Variants in ATRNL1 observed in about 807,000 individuals in gnomAD.
The protein encoded by ATRNL1 is attractin-like protein 1.
In ATRNL1, 95 loss-of-function variants were observed where a neutral mutation model predicts 182.7. That is an observed-to-expected ratio of 0.52 (90% CI 0.44 to 0.62). The LOEUF (loss-of-function observed/expected upper bound fraction) is 0.62. Among genes scored for constraint, ATRNL1 ranks in the 20% least tolerant of loss-of-function variants. The pLI is 0.00. For missense variants in ATRNL1, 1,471 were observed against 1,679.5 expected (o/e 0.88, Z 2.17); for synonymous variants, 576 against 568.3 (o/e 1.01, Z -0.19).
At chr10:115,914,421 A>G (rs1952781766) in intron 28 of ATRNL1, among the ~76,000 whole-genome samples, 1 of 152,172 alleles carries the variant, frequency 6.6e-6, no homozygotes, top group South Asian at 2.1e-4. Flanking sequence ...TTGACCAAAG[A>G]GCAGGGATTT....
intron 24 of ATRNL1, among the ~76,000 whole-genome samples, chr10:115,503,561 C>T (rs1849953813): frequency 6.9e-6 from 1 of 144,560 alleles, no homozygotes; most frequent in African/African-American, 2.9e-5. Context: ...TAAATCAATC[C>T]CTTAAGAAAA....
chr10:115,745,214 C>A (rs1363424806), intron 27 of ATRNL1, among the ~76,000 whole-genome samples: 2 of 151,982 alleles, frequency 1.3e-5, no homozygotes, highest in Admixed American at 6.6e-5. Context: ...ACCTCCGCCT[C>A]CCGGGGAACC....
intron 26 of ATRNL1, among the ~76,000 whole-genome samples, chr10:115,663,312 C>A (rs1398363218): frequency 6.6e-6 from 1 of 151,970 alleles, no homozygotes; most frequent in Non-Finnish European, 1.5e-5. Context: ...ATACACTAGA[C>A]CCTTACTATG....
intron 27 of ATRNL1, among the ~76,000 whole-genome samples, chr10:115,840,376 G>A (rs1262969398): frequency 1.3e-5 from 2 of 152,018 alleles, no homozygotes; most frequent in African/African-American, 2.4e-5. Flanking sequence ...TTCTTCATAC[G>A]GAACAAAGAG....
chr10:115,222,254 C>T (rs181392314), intron 9 of ATRNL1, among the ~76,000 whole-genome samples: 1 of 152,016 alleles, frequency 6.6e-6, no homozygotes, highest in East Asian at 1.9e-4. Context: ...CAGAAGGAAA[C>T]ATCCAGAAGG....
At chr10:115,782,024 A>T (rs183246853) in intron 27 of ATRNL1, among the ~76,000 whole-genome samples, 1 of 152,330 alleles carries the variant, frequency 6.6e-6, no homozygotes, top group East Asian at 1.9e-4. Flanking sequence ...GTTCCAAATG[A>T]TGATTCATGA....
At chr10:115,486,869 A>C (rs1554975253) in intron 24 of ATRNL1, among the ~76,000 whole-genome samples, 1 of 152,068 alleles carries the variant, frequency 6.6e-6, no homozygotes, top group African/African-American at 2.4e-5. Flanking sequence ...TTATGGTTTT[A>C]GGTCTTACAT....
At chr10:115,306,326 C>T (rs934233717) in intron 17 of ATRNL1, among the ~76,000 whole-genome samples, 4 of 152,110 alleles carry the variant, frequency 2.6e-5, no homozygotes, top group African/African-American at 9.7e-5. Flanking sequence ...ATAATTTTTT[C>T]CTTGGAACCT....
At position 115,808,912 on chromosome 10, in the gene ATRNL1, T is replaced by C. The variant is rs372779789; in HGVS notation, c.3904-38965T>C. On this transcript the variant is annotated intron_variant, in intron 27 of 28. Coordinates refer to ENST00000355044, the MANE Select transcript of ATRNL1 (RefSeq NM_207303.4). ...ATGTCAAACTGAATAATTTTTTGCC[T>C]AACTCAAGGTAACAAGGATTTTCTT... 1.4e-4 allele frequency among the ~76,000 whole-genome samples: 21 copies of C among 152,304 alleles called. No homozygotes were observed. The South Asian group carries it at 4.3e-3, about 32-fold the overall frequency.
At chr10:115,138,052 C>T (rs1193153014) in intron 5 of ATRNL1, among the ~76,000 whole-genome samples, 1 of 152,202 alleles carries the variant, frequency 6.6e-6, no homozygotes, top group East Asian at 1.9e-4. Context: ...AGTCTGAAAT[C>T]CAGCAGTGCA....
At chr10:115,783,226 CCACACACACACACA>C (rs56301408) in intron 27 of ATRNL1, among the ~76,000 whole-genome samples, 1 of 150,044 alleles carries the variant, frequency 6.7e-6, no homozygotes, top group African/African-American at 2.5e-5. Context: ...CTATATGATG[CCACACACACACACA>C]CACACACACA....
At position 115,232,268 on chromosome 10, in the gene ATRNL1, T is replaced by C. The variant is rs1261130209; in HGVS notation, c.1533-9303T>C. On this transcript the variant is annotated intron_variant, in intron 9 of 28. Coordinates refer to ENST00000355044, the MANE Select transcript of ATRNL1 (RefSeq NM_207303.4). ...CAATCTCATTAAGGTTTGATGTTTT[T>C]TCATTTTTGAATATTTTTTGCCAAT... 5.3e-5 allele frequency among the ~76,000 whole-genome samples: 8 copies of C among 152,198 alleles called. No individual in the cohort carries two copies. In the South Asian group the frequency reaches 1.7e-3, roughly 31 times the overall value.
chr10:115,568,842 A>G (rs1426857346), intron 26 of ATRNL1, among the ~76,000 whole-genome samples: 5 of 152,096 alleles, frequency 3.3e-5, no homozygotes, highest in African/African-American at 9.7e-5. Flanking sequence ...CTGCCTTCAT[A>G]GATAAACACT....
intron 28 of ATRNL1, among the ~76,000 whole-genome samples, chr10:115,856,557 G>T (rs1365760798): frequency 6.6e-6 from 1 of 151,940 alleles, no homozygotes; most frequent in South Asian, 2.1e-4. Context: ...CCAGGGACGG[G>T]TTTCGTGGAA....
chr10:115,218,229 C>G (rs547642869), intron 9 of ATRNL1, among the ~76,000 whole-genome samples: 124 of 151,832 alleles, frequency 8.2e-4, no homozygotes, highest in Non-Finnish European at 1.4e-3. Context: ...AGTGTTTTGC[C>G]TATGTTCAGT....
At chr10:115,446,629 C>T (rs1218970802) in intron 21 of ATRNL1, among the ~76,000 whole-genome samples, 1 of 151,778 alleles carries the variant, frequency 6.6e-6, no homozygotes, top group African/African-American at 2.4e-5. Flanking sequence ...GTAAGAAAAG[C>T]AAAAATGTTT....
At chr10:115,940,681 C>T (rs1565503870) in intron 28 of ATRNL1, among the ~76,000 whole-genome samples, 13 of 86,708 alleles carry the variant, frequency 1.5e-4, no homozygotes, top group Non-Finnish European at 2.1e-5. Flanking sequence ...TACTCTCTCT[C>T]TCTCTCTCTC....
At chr10:115,395,370 C>T (rs1431556198) in intron 20 of ATRNL1, among the ~76,000 whole-genome samples, 1 of 151,780 alleles carries the variant, frequency 6.6e-6, no homozygotes, top group Non-Finnish European at 1.5e-5. Context: ...AATTTACTTG[C>T]ACCTAATGAA....
In ATRNL1 at chr10:115,467,235, G is replaced by A; in HGVS notation, c.3479G>A (p.Trp1160Ter). The A allele has an allele frequency of 6.2e-7, 1 of 1,601,436 alleles. No homozygotes were observed. The highest frequency in any genetic ancestry group is 8.5e-7 in the Non-Finnish European group (1 of 1,172,520). Residue 1160 changes from tryptophan (W) to a stop codon, truncating the protein, a stop_gained, in exon 23 of 29, where the codon TGG (tryptophan) becomes TAG (stop). Transcript: ENST00000355044. LOFTEE classifies it high-confidence loss of function. ...ASNNFNLNIT[W>*]SVGSTAGTIS... is the part of the protein sequence containing the mutation. ...AACAACTTTAATCTCAACATTACGT[G>A]GTCTGTCGGTTCAACAGGTAAAAAA...
Sources: allele counts gnomAD v4.1 joint callset (sites outside exome capture counted in the v4.1 genomes callset), GRCh38; gene constraint gnomAD v4.1.1; transcripts MANE v1.5; gene names NCBI Gene and HGNC (gene_info 2026-07-23, HGNC 2026-07-21).